The following ROBO1 variants were observed in gnomAD, a reference collection of about 807,000 sequenced individuals.
ROBO1 encodes roundabout guidance receptor 1, also known as roundabout homolog 1.
In ROBO1, 149 loss-of-function variants were observed where a neutral mutation model predicts 195.9. The observed-to-expected ratio is 0.76, with a 90% CI of 0.67 to 0.87. The LOEUF (loss-of-function observed/expected upper bound fraction) is 0.87. Ranked by LOEUF, ROBO1 falls within the 40% of genes least tolerant of loss-of-function variation. The pLI is 0.00. For synonymous variants in ROBO1, 816 were observed against 733.2 expected, an observed-to-expected ratio of 1.11 and a Z score of -1.82; for missense variants, 1,933 against 2,068.3, an observed-to-expected ratio of 0.93 and a Z score of 1.27.
At chr3:79,010,266 G>C (rs2077742185) in intron 3 of ROBO1, among the ~76,000 whole-genome samples, 1 of 152,078 alleles carries the variant, frequency 6.6e-6, no homozygotes, top group Admixed American at 6.5e-5. Flanking sequence ...ATTGTGAAAA[G>C]CAAGAATTCT....
intron 4 of ROBO1, among the ~76,000 whole-genome samples, chr3:78,811,492 G>A (rs2084738136): frequency 6.6e-6 from 1 of 152,076 alleles, no homozygotes. Context: ...TTTTGACATT[G>A]TAACTGCTCT....
At chr3:79,384,482 G>A (rs562813139) in intron 2 of ROBO1, among the ~76,000 whole-genome samples, 2 of 151,934 alleles carry the variant, frequency 1.3e-5, no homozygotes, top group Non-Finnish European at 2.9e-5. Context: ...AACTATATAA[G>A]AATTGGAAAA....
chr3:78,745,546 AAAAGCATT>A, intron 5 of ROBO1, among the ~76,000 whole-genome samples: 1 of 152,260 alleles, frequency 6.6e-6, no homozygotes, highest in Admixed American at 6.6e-5. Flanking sequence ...CACTAACAAG[AAAAGCATT>A]TGTTTCTTCG....
chr3:79,081,229 A>C (rs1559644950), intron 3 of ROBO1, among the ~76,000 whole-genome samples: 1 of 151,556 alleles, frequency 6.6e-6, no homozygotes, highest in Non-Finnish European at 1.5e-5. Flanking sequence ...CTTGCTATAG[A>C]TATTGATGCA....
At chr3:79,287,087 AT>A in intron 2 of ROBO1, among the ~76,000 whole-genome samples, 1 of 152,310 alleles carries the variant, frequency 6.6e-6, no homozygotes, top group Admixed American at 6.5e-5. Flanking sequence ...CTTATAAAAA[AT>A]TTAGGATTAT....
chr3:79,617,926 A>ATT (rs1560042299), intron 1 of ROBO1, among the ~76,000 whole-genome samples: 70 of 150,110 alleles, frequency 4.7e-4, no homozygotes, highest in Middle Eastern at 3.4e-3. Context: ...TATATTAAAA[A>ATT]AAAAAAAAAG....
intron 4 of ROBO1, among the ~76,000 whole-genome samples, chr3:78,789,419 G>A (rs1443706151): frequency 6.6e-6 from 1 of 152,102 alleles, no homozygotes; most frequent in Non-Finnish European, 1.5e-5. Context: ...TAATCTCTCA[G>A]CACTTTGGAA....
chr3:79,004,924 T>C (rs768589035), intron 3 of ROBO1, among the ~76,000 whole-genome samples: 137 of 152,088 alleles, frequency 9.0e-4, no homozygotes, highest in Non-Finnish European at 1.4e-3. Flanking sequence ...AGAGTTACGG[T>C]CCCAGGGACC....
At chr3:78,947,262 C>A (rs1386037118) in intron 3 of ROBO1, among the ~76,000 whole-genome samples, 1 of 152,150 alleles carries the variant, frequency 6.6e-6, no homozygotes. Context: ...AAACTGACCA[C>A]ATAGTAGGAA....
intron 1 of ROBO1, among the ~76,000 whole-genome samples, chr3:79,649,729 A>G (rs1945943707): frequency 6.6e-6 from 1 of 152,074 alleles, no homozygotes; most frequent in Admixed American, 6.6e-5. Flanking sequence ...AAATTAGCCT[A>G]TGAGTCTGAC....
chr3:79,523,472 C>CTTTTTTTTTTTTT (rs11357932), intron 2 of ROBO1, among the ~76,000 whole-genome samples: 2 of 100,436 alleles, frequency 2.0e-5, no homozygotes, highest in Admixed American at 1.0e-4. Context: ...TTTTTTTTTT[C>CTTTTTTTTTTTTT]TTTTTTTTTT....
chr3:78,632,275 A>AT (rs937724188), intron 24 of ROBO1, among the ~76,000 whole-genome samples: 46 of 152,150 alleles, frequency 3.0e-4, no homozygotes, highest in African/African-American at 9.9e-4. Flanking sequence ...ATGAGCCTTG[A>AT]TTTTTTTGTC....
chr3:79,127,514 GCAAT>G (rs1369650848), intron 2 of ROBO1, among the ~76,000 whole-genome samples: 2 of 152,278 alleles, frequency 1.3e-5, no homozygotes, highest in Admixed American at 1.3e-4. Flanking sequence ...TAATTTACAA[GCAAT>G]CAGTTATTTA....
intron 2 of ROBO1, among the ~76,000 whole-genome samples, chr3:79,498,669 C>T (rs939931840): frequency 6.6e-6 from 1 of 151,990 alleles, no homozygotes; most frequent in Non-Finnish European, 1.5e-5. Flanking sequence ...GCCTGCTCAA[C>T]GTGGTGAAAC....
intron 4 of ROBO1, among the ~76,000 whole-genome samples, chr3:78,900,159 T>A (rs1001931730): frequency 1.3e-5 from 2 of 152,154 alleles, no homozygotes; most frequent in African/African-American, 4.8e-5. Flanking sequence ...AAAAGTTCAG[T>A]TACACATAAC....
intron 2 of ROBO1, among the ~76,000 whole-genome samples, chr3:79,135,981 G>T (rs796681920): frequency 1.7e-4 from 26 of 152,306 alleles, no homozygotes; most frequent in African/African-American, 6.3e-4. Flanking sequence ...AAGTTTAAAG[G>T]ATGGTGGATG....
At chr3:79,492,654 T>C (rs2107457151) in intron 2 of ROBO1, among the ~76,000 whole-genome samples, 1 of 152,022 alleles carries the variant, frequency 6.6e-6, no homozygotes, top group Admixed American at 6.6e-5. Context: ...TACTAAGAAA[T>C]TCATAAATTA....
At chr3:79,172,374 G>A (rs1168646929) in intron 2 of ROBO1, among the ~76,000 whole-genome samples, 1 of 152,028 alleles carries the variant, frequency 6.6e-6, no homozygotes, top group Non-Finnish European at 1.5e-5. Flanking sequence ...CATTTTTATT[G>A]TATTAACTAA....
chr3:79,342,388 G>A (rs2109228955), intron 2 of ROBO1, among the ~76,000 whole-genome samples: 1 of 152,274 alleles, frequency 6.6e-6, no homozygotes, highest in South Asian at 2.1e-4. Context: ...TAGAAAAAGG[G>A]AGAAAGTGAT....
Sources: allele counts gnomAD v4.1 joint callset (sites outside exome capture counted in the v4.1 genomes callset), GRCh38; gene constraint gnomAD v4.1.1; transcripts MANE v1.5; gene names NCBI Gene and HGNC (gene_info 2026-07-23, HGNC 2026-07-21).